KIAA0825: variants seen among roughly 807,000 people sequenced by gnomAD.
KIAA0825 encodes uncharacterized protein KIAA0825.
Under a neutral mutation model 147.6 loss-of-function variants are expected in KIAA0825, and 119 were observed. The observed-to-expected ratio is 0.81, with a 90% CI of 0.69 to 0.94. The LOEUF (loss-of-function observed/expected upper bound fraction) is 0.94, where lower values mean the gene tolerates loss of function less well. Among genes scored for constraint, KIAA0825 ranks in the 40% least tolerant of loss-of-function variants. The pLI is 0.00. For missense variants in KIAA0825, 1,381 were observed against 1,472.7 expected (o/e 0.94, Z 1.02); for synonymous variants, 470 against 518.1 (o/e 0.91, Z 1.26).
chr5:94,606,725 T>A (rs747459983), intron 1 of KIAA0825, among the ~76,000 whole-genome samples: 3 of 152,194 alleles, frequency 2.0e-5, no homozygotes, highest in Non-Finnish European at 2.9e-5. Flanking sequence ...ATATTCAGCA[T>A]CTAAAGGGAC....
chr5:94,578,222 T>C (rs1315574614), intron 2 of KIAA0825, among the ~76,000 whole-genome samples: 3 of 152,274 alleles, frequency 2.0e-5, no homozygotes, highest in Non-Finnish European at 4.4e-5. Flanking sequence ...CAGTAGTTAA[T>C]ATTTATTCAC....
chr5:94,469,513 G>T (rs1264322976), intron 10 of KIAA0825, among the ~76,000 whole-genome samples: 1 of 151,848 alleles, frequency 6.6e-6, no homozygotes, highest in Non-Finnish European at 1.5e-5. Flanking sequence ...CATATGATGA[G>T]AAGGAAAAAA....
At chr5:94,201,623 T>G (rs899386531) in intron 20 of KIAA0825, among the ~76,000 whole-genome samples, 1 of 151,956 alleles carries the variant, frequency 6.6e-6, no homozygotes, top group African/African-American at 2.4e-5. Context: ...TTGGTTTTTT[T>G]TTTTTGGTAG....
intron 20 of KIAA0825, among the ~76,000 whole-genome samples, chr5:94,376,609 AAAACAAACAAAC>A (rs57714508): frequency 2.0e-5 from 3 of 152,056 alleles, no homozygotes; most frequent in East Asian, 1.9e-4. Flanking sequence ...ATCTCTGCAA[AAAACAAACAAAC>A]AAACAAACAA....
At chr5:94,522,739 A>C (rs1256355268) in intron 4 of KIAA0825, among the ~76,000 whole-genome samples, 1 of 151,666 alleles carries the variant, frequency 6.6e-6, no homozygotes, top group Non-Finnish European at 1.5e-5. Flanking sequence ...ATGATCAATT[A>C]TGTAAAAAAA....
intron 7 of KIAA0825, among the ~76,000 whole-genome samples, chr5:94,475,133 T>A (rs1761717304): frequency 6.6e-6 from 1 of 151,952 alleles, no homozygotes; most frequent in African/African-American, 2.4e-5. Flanking sequence ...GCTCAACTGA[T>A]ATAATCTTCT....
rs1029557706 is a variant in KIAA0825, at chr5:94,151,565, G to A, written c.*2442C>T. Among the ~76,000 whole-genome samples the A allele has an allele frequency of 1.3e-5, 2 of 149,632 alleles. No homozygotes were observed. The highest frequency in any genetic ancestry group is 1.3e-4 in the Admixed American group (2 of 14,984). ...ATAATAATTTCACTGAACAAGCACA[G>A]AATAGAATTCAACTGCAAGGCCTCT... is the stretch of plus-strand genomic sequence containing the variant. On this transcript the variant is annotated 3_prime_UTR_variant, in exon 21 of 21. Transcript: ENST00000682413.
At chr5:94,529,332 T>TATATGTATATATC (rs1561268711) in intron 3 of KIAA0825, among the ~76,000 whole-genome samples, 27 of 136,622 alleles carry the variant, frequency 2.0e-4, no homozygotes, top group African/African-American at 6.9e-4. Context: ...GTATATATCA[T>TATATGTATATATC]ATATATGTAT....
intron 20 of KIAA0825, among the ~76,000 whole-genome samples, chr5:94,292,019 G>T (rs1324877922): frequency 1.3e-5 from 2 of 152,138 alleles, no homozygotes; most frequent in Non-Finnish European, 2.9e-5. Flanking sequence ...GGGCTGAGAC[G>T]ATGGGGTGTT....
intron 20 of KIAA0825, among the ~76,000 whole-genome samples, chr5:94,248,678 A>G (rs1775765275): frequency 6.6e-6 from 1 of 152,118 alleles, no homozygotes; most frequent in Admixed American, 6.6e-5. Context: ...TGACTGGCAG[A>G]AAGACCTTGC....
chr5:94,155,111 A>C (rs1766911924), intron 20 of KIAA0825, among the ~76,000 whole-genome samples: 1 of 152,206 alleles, frequency 6.6e-6, no homozygotes, highest in Non-Finnish European at 1.5e-5. Context: ...ATTGTGTTAT[A>C]ATCCAAACTC....
chr5:94,160,273 C>G (rs982030330), intron 20 of KIAA0825, among the ~76,000 whole-genome samples: 1 of 151,978 alleles, frequency 6.6e-6, no homozygotes, highest in African/African-American at 2.4e-5. Flanking sequence ...AATTCAGCAT[C>G]TTTAAACTTT....
chr5:94,605,143 G>A (rs1213324599), intron 1 of KIAA0825, among the ~76,000 whole-genome samples: 2 of 152,140 alleles, frequency 1.3e-5, no homozygotes, highest in Non-Finnish European at 2.9e-5. Flanking sequence ...ACACCTCTAT[G>A]TAAATGAACT....
intron 20 of KIAA0825, among the ~76,000 whole-genome samples, chr5:94,350,624 AC>A (rs1783554912): frequency 6.6e-6 from 1 of 152,242 alleles, no homozygotes; most frequent in African/African-American, 2.4e-5. Context: ...GGATGGTTTA[AC>A]ATACACAAGT....
chr5:94,457,767 A>G (rs1274829659), intron 12 of KIAA0825, among the ~76,000 whole-genome samples: 1 of 152,238 alleles, frequency 6.6e-6, no homozygotes, highest in East Asian at 1.9e-4. Flanking sequence ...GCTGGGTTTT[A>G]TGCTTCTCTT....
At chr5:94,543,110 G>C (rs149880931) in intron 2 of KIAA0825, among the ~76,000 whole-genome samples, 1 of 152,130 alleles carries the variant, frequency 6.6e-6, no homozygotes, top group African/African-American at 2.4e-5. Flanking sequence ...TCAACTCATA[G>C]GTATTTGAGG....
At chr5:94,421,779 A>G (rs1023783653) in intron 14 of KIAA0825, among the ~76,000 whole-genome samples, 2 of 152,106 alleles carry the variant, frequency 1.3e-5, no homozygotes, top group Admixed American at 1.3e-4. Flanking sequence ...ATAATTTTCT[A>G]TGATTCCCCA....
intron 20 of KIAA0825, among the ~76,000 whole-genome samples, chr5:94,208,782 G>C (rs951941083): frequency 1.3e-5 from 2 of 152,200 alleles, no homozygotes; most frequent in African/African-American, 4.8e-5. Flanking sequence ...TGAACAAATG[G>C]AGCATAGCTT....
At chr5:94,263,344 A>C (rs993575950) in intron 20 of KIAA0825, among the ~76,000 whole-genome samples, 6 of 152,218 alleles carry the variant, frequency 3.9e-5, no homozygotes, top group Non-Finnish European at 7.4e-5. Context: ...CCATCTCCTG[A>C]ACCTAGGCCT....
Sources: allele counts gnomAD v4.1 joint callset (sites outside exome capture counted in the v4.1 genomes callset), GRCh38; gene constraint gnomAD v4.1.1; transcripts MANE v1.5; gene names NCBI Gene and HGNC (gene_info 2026-07-23, HGNC 2026-07-21).